Variants in DSCAML1 observed in about 807,000 individuals in gnomAD.
The protein encoded by DSCAML1 is DS cell adhesion molecule like 1, also known as cell adhesion molecule DSCAML1.
A neutral mutation model predicts 200.5 loss-of-function variants in DSCAML1; 38 were observed. The observed-to-expected ratio is 0.19, with a 90% CI of 0.15 to 0.25. The LOEUF (loss-of-function observed/expected upper bound fraction) is 0.25, where lower values mean the gene tolerates loss of function less well. DSCAML1 is among the 10% of genes least tolerant of loss of function. The probability of loss-of-function intolerance (pLI) is 1.00; values close to 1 mark genes in which losing one functional copy is unlikely to be tolerated. For missense variants in DSCAML1, 2,223 were observed against 2,858.8 expected (o/e 0.78, Z 5.07); for synonymous variants, 1,215 against 1,165.0 (o/e 1.04, Z -0.87).
intron 3 of DSCAML1, among the ~76,000 whole-genome samples, chr11:117,697,603 T>A (rs1017901147): frequency 6.6e-6 from 1 of 152,108 alleles, no homozygotes; most frequent in South Asian, 2.1e-4. Flanking sequence ...CATTCCTTCC[T>A]GCCCCAGCCC....
intron 14 of DSCAML1, among the ~76,000 whole-genome samples, chr11:117,472,242 T>C (rs1223607290): frequency 2.0e-5 from 3 of 152,080 alleles, no homozygotes; most frequent in Non-Finnish European, 4.4e-5. Context: ...GAAGCCTGAC[T>C]CTCCTCTGCC....
In DSCAML1 at chr11:117,761,739, C is replaced by T. The variant is rs904402168; in HGVS notation, c.511+15052G>A. 6.6e-5 allele frequency among the ~76,000 whole-genome samples: 10 copies of T among 152,144 alleles called. 1 individual carries two copies. The highest frequency in any genetic ancestry group is 2.6e-4 in the Admixed American group (4 of 15,272). On this transcript the variant is annotated intron_variant, in intron 3 of 32. Coordinates refer to ENST00000651296, the MANE Select transcript of DSCAML1 (RefSeq NM_020693.4). ...TTAAAAAATTAGCTGAGTGTGGTGG[C>T]GTGTGCCTGTAGTCCCAGCTACTTG... is the stretch of plus-strand genomic sequence containing the variant.
chr11:117,730,250 G>A (rs2054197589), intron 3 of DSCAML1, among the ~76,000 whole-genome samples: 1 of 152,116 alleles, frequency 6.6e-6, no homozygotes. Flanking sequence ...AAGGAGCTGT[G>A]ACAAGAAAGC....
At chr11:117,693,224 A>G (rs2053529764) in intron 3 of DSCAML1, among the ~76,000 whole-genome samples, 1 of 152,232 alleles carries the variant, frequency 6.6e-6, no homozygotes, top group South Asian at 2.1e-4. Flanking sequence ...ACCTACATCA[A>G]GTCAAGTGTT....
At chr11:117,534,688 C>T (rs935129381) in intron 3 of DSCAML1, among the ~76,000 whole-genome samples, 5 of 152,176 alleles carry the variant, frequency 3.3e-5, no homozygotes, top group Non-Finnish European at 7.3e-5. Context: ...CAGCTCATTG[C>T]AGCCTTGACA....
At chr11:117,744,908 C>T (rs1362678904) in intron 3 of DSCAML1, among the ~76,000 whole-genome samples, 6 of 152,266 alleles carry the variant, frequency 3.9e-5, no homozygotes, top group African/African-American at 1.4e-4. Context: ...CATGCCAGGG[C>T]CTGTCTCACC....
At chr11:117,473,186 T>A (rs1592632246) in intron 14 of DSCAML1, among the ~76,000 whole-genome samples, 1 of 152,004 alleles carries the variant, frequency 6.6e-6, no homozygotes, top group African/African-American at 2.4e-5. Context: ...CTAAAAAAAT[T>A]TTTTTTTGGT....
At chr11:117,458,713 G>T (rs369486737) in intron 19 of DSCAML1, 41 bp downstream of exon 19, 2 of 1,602,720 alleles carry the variant, frequency 1.2e-6, no homozygotes, top group East Asian at 2.2e-5. Flanking sequence ...TTAGCAGTGG[G>T]TGGCAGGGCC....
At chr11:117,657,046 G>A (rs902403538) in intron 3 of DSCAML1, among the ~76,000 whole-genome samples, 5 of 152,164 alleles carry the variant, frequency 3.3e-5, no homozygotes, top group African/African-American at 1.2e-4. Context: ...AAAACCCATC[G>A]GCTCTAAGGT....
Position 117,776,875 on chromosome 11 carries a change from C to T in DSCAML1, c.427G>A (p.Val143Ile), listed in dbSNP as rs554359582. 57 of 1,614,174 alleles carry T rather than the reference C, an allele frequency of 3.5e-5. No individual in the cohort carries two copies. The highest frequency in any genetic ancestry group is 1.7e-4 in the Middle Eastern group (1 of 6,052). The change falls in exon 3 of 33, where the codon GTC (valine) becomes ATC (isoleucine). Residue 143 changes from valine (V) to isoleucine (I), a missense_variant. Coordinates refer to ENST00000651296, the MANE Select transcript of DSCAML1 (RefSeq NM_020693.4). ...GAAGAGGGGATGAGGCACTTGAAGA[C>T]GGCCACGTTGCCACGCATTGACCTT... ...DQRSMRGNVA[V>I]FKCLIPSSVQ...
chr11:117,695,911 TACG>T (rs1043565321), intron 3 of DSCAML1, among the ~76,000 whole-genome samples: 11 of 152,212 alleles, frequency 7.2e-5, no homozygotes, highest in Non-Finnish European at 1.5e-4. Context: ...TAGGATTAAA[TACG>T]ACAAGTAAAG....
chr11:117,474,944 A>G (rs1022293661), intron 14 of DSCAML1, among the ~76,000 whole-genome samples: 15 of 151,804 alleles, frequency 9.9e-5, no homozygotes, highest in African/African-American at 3.4e-4. Context: ...TTTAGTAGAG[A>G]TGGGGTTTCA....
intron 3 of DSCAML1, among the ~76,000 whole-genome samples, chr11:117,534,645 C>T (rs1328951011): frequency 1.3e-5 from 2 of 152,336 alleles, no homozygotes; most frequent in South Asian, 4.1e-4. Flanking sequence ...GACTGTCACT[C>T]TGCCACCCAG....
intron 8 of DSCAML1, among the ~76,000 whole-genome samples, chr11:117,506,971 C>T (rs2049511888): frequency 6.6e-6 from 1 of 152,334 alleles, no homozygotes; most frequent in South Asian, 2.1e-4. Context: ...TCCACCCAGC[C>T]TTCCTCCCGC....
intron 3 of DSCAML1, among the ~76,000 whole-genome samples, chr11:117,571,224 G>A (rs1007811905): frequency 1.3e-5 from 2 of 152,216 alleles, no homozygotes; most frequent in Non-Finnish European, 2.9e-5. Flanking sequence ...TGGCCTGGGA[G>A]CAGAGGATTT....
rs543863870 is a variant in DSCAML1 at position 117,677,521 on chromosome 11, G to A, written c.511+99270C>T. 2.0e-5 allele frequency among the ~76,000 whole-genome samples: 3 copies of A among 152,178 alleles called. No homozygotes were observed. In the South Asian group the frequency reaches 6.2e-4, roughly 32 times the overall value. ...GTGCTGAGGAAGTCCTGGGGCGGGA[G>A]AATGAGGCATGGGTTCTGTGGCTGC... On this transcript the variant is annotated intron_variant, in intron 3 of 32. Transcript: ENST00000651296.
At chr11:117,668,445 T>A (rs899069475) in intron 3 of DSCAML1, 3 of 152,256 alleles carry the variant, frequency 2.0e-5, no homozygotes, top group Non-Finnish European at 2.9e-5. Flanking sequence ...TGAGGATATG[T>A]AAAGGCACCT....
At chr11:117,652,356 T>C (rs1039940082) in intron 3 of DSCAML1, among the ~76,000 whole-genome samples, 2 of 152,206 alleles carry the variant, frequency 1.3e-5, no homozygotes, top group African/African-American at 4.8e-5. Flanking sequence ...AACCAGGAGA[T>C]GGAGCAGATG....
chr11:117,444,306 T>C (rs2048132427), intron 20 of DSCAML1, among the ~76,000 whole-genome samples: 1 of 152,100 alleles, frequency 6.6e-6, no homozygotes, highest in South Asian at 2.1e-4. Context: ...CTGGCAGCTG[T>C]GGCTCAGGCC....
Sources: allele counts gnomAD v4.1 joint callset (sites outside exome capture counted in the v4.1 genomes callset), GRCh38; gene constraint gnomAD v4.1.1; transcripts MANE v1.5; gene names NCBI Gene and HGNC (gene_info 2026-07-23, HGNC 2026-07-21).